Variants in KIRREL3 observed in about 807,000 individuals in gnomAD.
KIRREL3 encodes kin of IRRE-like protein 3.
In KIRREL3, 36 loss-of-function variants were observed where a neutral mutation model predicts 89.7. The ratio of observed to expected loss-of-function variants is 0.40; its 90% CI spans 0.31 to 0.53. The LOEUF is 0.53. Ranked by LOEUF, KIRREL3 falls within the 20% of genes least tolerant of loss-of-function variation. KIRREL3 has a pLI of 0.49. For missense variants in KIRREL3, 864 were observed against 1,056.6 expected, an observed-to-expected ratio of 0.82 and a Z score of 2.53; for synonymous variants, 445 against 441.4, an observed-to-expected ratio of 1.01 and a Z score of -0.10.
intron 1 of KIRREL3, among the ~76,000 whole-genome samples, chr11:126,600,607 A>G (rs768335408): frequency 2.9e-4 from 44 of 152,236 alleles, no homozygotes; most frequent in Admixed American, 1.5e-3. Flanking sequence ...ACTCAAATCT[A>G]TGGGTGGTGC....
At chr11:126,974,711 C>T (rs1310293893) in intron 1 of KIRREL3, among the ~76,000 whole-genome samples, 2 of 151,918 alleles carry the variant, frequency 1.3e-5, no homozygotes, top group East Asian at 3.9e-4. Context: ...ACATGTATAG[C>T]CTGTTGCTCC....
chr11:126,484,371 G>A lies in KIRREL3; in HGVS notation c.434-10905C>T, dbSNP rs1397495085. ...ATGAATAATAGCTAACATTGATATA[G>A]GGCTTACCACACAGCAAGAACTCTT... On this transcript the variant is annotated intron_variant, in intron 4 of 16. Coordinates refer to ENST00000525144, the MANE Select transcript of KIRREL3 (RefSeq NM_032531.4). This position sits in a 1 kb window ranked among gnomAD's most constrained non-coding sequence, Gnocchi z 5.2. Among the ~76,000 whole-genome samples, 1 of 152,132 alleles carries A rather than the reference G, an allele frequency of 6.6e-6. No individual in the cohort carries two copies. Among genetic ancestry groups the A allele is most frequent in the Non-Finnish European group, 1.5e-5 (1 of 68,024 alleles).
At chr11:126,597,260 T>C (rs1217758313) in intron 1 of KIRREL3, among the ~76,000 whole-genome samples, 1 of 152,242 alleles carries the variant, frequency 6.6e-6, no homozygotes, top group Non-Finnish European at 1.5e-5. Flanking sequence ...CCTGTCACTC[T>C]GCAGCTCCGC....
At chr11:126,716,491 C>T (rs1947966166) in intron 1 of KIRREL3, among the ~76,000 whole-genome samples, 1 of 152,088 alleles carries the variant, frequency 6.6e-6, no homozygotes, top group African/African-American at 2.4e-5. Context: ...AAGCCTGTTT[C>T]AGATGACACA....
intron 1 of KIRREL3, among the ~76,000 whole-genome samples, chr11:126,725,218 G>T (rs2134179296): frequency 6.6e-6 from 1 of 152,360 alleles, no homozygotes; most frequent in Middle Eastern, 3.4e-3. Context: ...GGACAGCGTG[G>T]TGCCTCGTAT....
chr11:126,613,071 G>A (rs1256416845), intron 1 of KIRREL3, among the ~76,000 whole-genome samples: 1 of 152,104 alleles, frequency 6.6e-6, no homozygotes, highest in Non-Finnish European at 1.5e-5. Context: ...GCTTTCTGAG[G>A]AGTTTTTATT....
chr11:126,424,397 G>T lies in KIRREL3; in HGVS notation c.*183C>A. On this transcript the variant is annotated 3_prime_UTR_variant, in exon 17 of 17. Transcript: ENST00000525144. ...CCCACCCGCCCACCTCTGGCACACA[G>T]CACCTGGGGACCCAGATTTGTGCTT... 2.5e-6 allele frequency: 1 copy of T among 395,590 alleles called. No individual in the cohort carries two copies. The highest frequency in any genetic ancestry group is 2.1e-5 in the South Asian group (1 of 48,306). The allele number at this position is 395,590 out of a possible 1,614,324, so 24.5% of individuals were successfully genotyped here.
chr11:126,921,482 C>T (rs2134976654), intron 1 of KIRREL3, among the ~76,000 whole-genome samples: 1 of 151,630 alleles, frequency 6.6e-6, no homozygotes, highest in South Asian at 2.1e-4. Flanking sequence ...CATCCATCTT[C>T]CTGTGTTCCT....
At chr11:126,447,303 T>C (rs1332819440) in intron 8 of KIRREL3, among the ~76,000 whole-genome samples, 1 of 152,104 alleles carries the variant, frequency 6.6e-6, no homozygotes, top group Non-Finnish European at 1.5e-5. Flanking sequence ...GCCCTGGAAA[T>C]CTGGGCTCTT....
rs182558798 is a variant in KIRREL3, at chr11:126,992,108, C to G, written c.55+8347G>C. Among the ~76,000 whole-genome samples the G allele has an allele frequency of 3.4e-3, 519 of 152,306 alleles. 2 individuals carry two copies. Among genetic ancestry groups the G allele is most frequent in the Non-Finnish European group, 5.0e-3 (341 of 68,026 alleles). Reference sequence around the variant, plus strand: ...AATTACTGCCACGACTAACAACACCCTCAACAACCAAAAGAATTTGCCAGG... The same window carrying G: ...AATTACTGCCACGACTAACAACACCGTCAACAACCAAAAGAATTTGCCAGG... On this transcript the variant is annotated intron_variant, in intron 1 of 16. Coordinates refer to ENST00000525144, the MANE Select transcript of KIRREL3 (RefSeq NM_032531.4).
At chr11:126,629,775 G>T (rs945212892) in intron 1 of KIRREL3, among the ~76,000 whole-genome samples, 14 of 152,138 alleles carry the variant, frequency 9.2e-5, no homozygotes, top group Admixed American at 2.0e-4. Flanking sequence ...TCTTTTGATT[G>T]AAGTCCACAG....
chr11:126,813,060 A>G (rs1951440345), intron 1 of KIRREL3, among the ~76,000 whole-genome samples: 1 of 152,208 alleles, frequency 6.6e-6, no homozygotes, highest in African/African-American at 2.4e-5. Flanking sequence ...TCTCCAGTTT[A>G]GACTCAGAAA....
chr11:126,678,283 G>A (rs1946286787), intron 1 of KIRREL3, among the ~76,000 whole-genome samples: 1 of 152,062 alleles, frequency 6.6e-6, no homozygotes, highest in South Asian at 2.1e-4. Context: ...GCACAGATGG[G>A]TGTGTGGAGT....
rs1482556865 is a variant in KIRREL3 at position 126,455,842 on chromosome 11, CAGT to C, written c.848+504_848+506del. On this transcript the variant is annotated intron_variant, in intron 7 of 16. Transcript: ENST00000525144. This position sits in a 1 kb window ranked among gnomAD's most constrained non-coding sequence, Gnocchi z 6.4. The stretch of plus-strand genomic sequence containing the variant: ...CAAACAAACAAACCAACAAACCAAA[CAGT>C]GGTGCTTTTATCCGTGTTGTGAGCA... Among the ~76,000 whole-genome samples, 2 of 151,742 alleles carry C rather than the reference CAGT, an allele frequency of 1.3e-5. No individual in the cohort carries two copies. The highest frequency in any genetic ancestry group is 4.8e-5 in the African/African-American group (2 of 41,296).
chr11:126,503,307 G>A (rs1957921819), intron 4 of KIRREL3, among the ~76,000 whole-genome samples: 1 of 152,138 alleles, frequency 6.6e-6, no homozygotes, highest in African/African-American at 2.4e-5. Context: ...GGCTGTTAAG[G>A]TGGATGTGGG....
rs1212830909 is a variant in KIRREL3 at position 126,697,234 on chromosome 11, C to T, written c.56-134322G>A. On this transcript the variant is annotated intron_variant, in intron 1 of 16. Transcript: ENST00000525144. The surrounding 1 kb of genome is among the most constrained non-coding windows in gnomAD (Gnocchi z 4.2). Reference sequence around the variant, plus strand: ...GTAATTGTTTATGTGCTTGTTTATGCGGGAGATGACAGGACTACAAGAAGG... The same window carrying T: ...GTAATTGTTTATGTGCTTGTTTATGTGGGAGATGACAGGACTACAAGAAGG... 2.0e-5 allele frequency among the ~76,000 whole-genome samples: 3 copies of T among 152,096 alleles called. No individual in the cohort carries two copies. Among genetic ancestry groups the T allele is most frequent in the East Asian group, 1.9e-4 (1 of 5,186 alleles).
intron 1 of KIRREL3, among the ~76,000 whole-genome samples, chr11:126,885,836 C>T (rs1945673321): frequency 6.6e-6 from 1 of 152,164 alleles, no homozygotes; most frequent in South Asian, 2.1e-4. Context: ...TTTCACTTTT[C>T]TATTTGGCAA....
In KIRREL3 at chr11:126,797,470, T is replaced by C. The variant is rs899549081; in HGVS notation, c.55+202985A>G. On this transcript the variant is annotated intron_variant, in intron 1 of 16. Transcript: ENST00000525144. This position sits in a 1 kb window ranked among gnomAD's most constrained non-coding sequence, Gnocchi z 4.9. ...CAACTTCTGCTTGCAGAAGCCCGAT[T>C]CATCTGTTACCTGGGAAGCTAAACT... Among the ~76,000 whole-genome samples, 1 of 152,090 alleles carries C rather than the reference T, an allele frequency of 6.6e-6. No homozygotes were observed. Among genetic ancestry groups the C allele is most frequent in the African/African-American group, 2.4e-5 (1 of 41,406 alleles).
At position 126,607,032 on chromosome 11, in the gene KIRREL3, TC is replaced by T. The variant is rs1942919143; in HGVS notation, c.56-44121del. On this transcript the variant is annotated intron_variant, in intron 1 of 16. Transcript: ENST00000525144. The surrounding 1 kb of genome is among the most constrained non-coding windows in gnomAD (Gnocchi z 6.6). ...TTTTAAATTGCATGCCACATGTTTA[TC>T]CTTATTAAGCAGTTGTTCTCTTCCA... Among the ~76,000 whole-genome samples the T allele has an allele frequency of 6.6e-6, 1 of 152,176 alleles. No individual in the cohort carries two copies. Among genetic ancestry groups the T allele is most frequent in the Non-Finnish European group, 1.5e-5 (1 of 68,022 alleles).
Sources: gnomAD v4.1 joint callset for allele counts (sites outside exome capture counted in the v4.1 genomes callset) on GRCh38, gnomAD v4.1.1 for gene constraint, Gnocchi (gnomAD v3.1) non-coding constraint, MANE v1.5 for transcripts, NCBI Gene and HGNC (gene_info 2026-07-23, HGNC 2026-07-21) for gene names.